The following SAMD3 variants were observed in gnomAD, a reference collection of about 807,000 sequenced individuals.
SAMD3 encodes the protein sterile alpha motif domain-containing protein 3.
A neutral mutation model predicts 58.5 loss-of-function variants in SAMD3; 63 were observed. The ratio of observed to expected loss-of-function variants is 1.08; its 90% CI spans 0.88 to 1.33. The LOEUF is 1.33. Among genes scored for constraint, SAMD3 ranks in the 40% most tolerant of loss-of-function variants. SAMD3 has a pLI of 0.00. For missense variants in SAMD3, 604 were observed against 608.4 expected, an observed-to-expected ratio of 0.99 and a Z score of 0.08; for synonymous variants, 220 against 210.3, an observed-to-expected ratio of 1.05 and a Z score of -0.40.
chr6:130,167,162 G>A (rs576654605), intron 8 of SAMD3, among the ~76,000 whole-genome samples: 7 of 152,256 alleles, frequency 4.6e-5, no homozygotes, highest in African/African-American at 1.7e-4. Flanking sequence ...TTAAAAGAGT[G>A]TCAGTTTAAA....
chr6:130,365,436 T>A (rs1036365645), upstream of SAMD3: 1 of 985,274 alleles, frequency 1.0e-6, no homozygotes, highest in Non-Finnish European at 1.2e-6. Flanking sequence ...CCGGCCAGGT[T>A]TGGTTTAGCT....
chr6:130,292,380 G>C (rs1016210500), intron 2 of SAMD3, among the ~76,000 whole-genome samples: 1 of 148,284 alleles, frequency 6.7e-6, no homozygotes, highest in African/African-American at 2.5e-5. Context: ...TCCACCTCCC[G>C]GGCTCAAGCA....
At chr6:130,168,049 T>A (rs946960568) in intron 8 of SAMD3, among the ~76,000 whole-genome samples, 2 of 152,042 alleles carry the variant, frequency 1.3e-5, no homozygotes, top group African/African-American at 2.4e-5. Context: ...GGGTGGAGGG[T>A]TAGGGACAAA....
intron 2 of SAMD3, among the ~76,000 whole-genome samples, chr6:130,298,809 A>T (rs931973068): frequency 6.7e-6 from 1 of 149,644 alleles, no homozygotes; most frequent in Non-Finnish European, 1.5e-5. Flanking sequence ...AATGGAAAAC[A>T]AAAAACAGCA....
At chr6:130,297,692 A>C (rs1293074542) in intron 2 of SAMD3, among the ~76,000 whole-genome samples, 1 of 152,188 alleles carries the variant, frequency 6.6e-6, no homozygotes, top group African/African-American at 2.4e-5. Flanking sequence ...AAAAAACCAA[A>C]TAGAACTTCT....
intron 1 of SAMD3, among the ~76,000 whole-genome samples, chr6:130,350,920 C>T (rs1474490389): frequency 5.9e-5 from 9 of 152,074 alleles, no homozygotes; most frequent in Non-Finnish European, 1.0e-4. Context: ...GAGATAATGC[C>T]GCATATCTAC....
At chr6:130,351,234 A>G (rs1048021446) in intron 1 of SAMD3, among the ~76,000 whole-genome samples, 2 of 152,234 alleles carry the variant, frequency 1.3e-5, no homozygotes, top group African/African-American at 2.4e-5. Flanking sequence ...ATGGGATCTA[A>G]TTAAACTAAA....
Position 130,234,668 on chromosome 6 carries a change from G to C in SAMD3, c.-187-11855C>G, listed in dbSNP as rs144047857. 7.2e-4 allele frequency among the ~76,000 whole-genome samples: 110 copies of C among 152,304 alleles called. No homozygotes were observed. In the East Asian group the frequency reaches 0.02, roughly 28 times the overall value. Reference sequence around the variant, plus strand: ...TGTGCTTGAACACATACAGAGCTCTGTTCAGAGTTCAGCCTACCACTGGTT... The same window carrying C: ...TGTGCTTGAACACATACAGAGCTCTCTTCAGAGTTCAGCCTACCACTGGTT... On this transcript the variant is annotated intron_variant, in intron 2 of 13. Transcript: ENST00000368134.
At chr6:130,336,344 T>A (rs1418295232) in intron 1 of SAMD3, among the ~76,000 whole-genome samples, 2 of 152,186 alleles carry the variant, frequency 1.3e-5, no homozygotes, top group Non-Finnish European at 2.9e-5. Context: ...AGGATTTGAA[T>A]TCTGATACGT....
intron 5 of SAMD3, among the ~76,000 whole-genome samples, chr6:130,195,804 T>A (rs1271251794): frequency 2.0e-5 from 3 of 152,198 alleles, no homozygotes; most frequent in Non-Finnish European, 4.4e-5. Flanking sequence ...GTGCTCTCCC[T>A]GCCGATCATG....
intron 1 of SAMD3, among the ~76,000 whole-genome samples, chr6:130,328,040 C>A (rs576667840): frequency 1.3e-5 from 2 of 152,180 alleles, no homozygotes; most frequent in African/African-American, 4.8e-5. Flanking sequence ...TCTACCCCTA[C>A]CTGTAGCTGC....
At chr6:130,269,131 T>C (rs1243511622) in intron 2 of SAMD3, among the ~76,000 whole-genome samples, 1 of 152,186 alleles carries the variant, frequency 6.6e-6, no homozygotes, top group Non-Finnish European at 1.5e-5. Context: ...AATTTTGGTA[T>C]AAGTTGTGAA....
intron 1 of SAMD3, among the ~76,000 whole-genome samples, chr6:130,349,190 C>T (rs545187387): frequency 4.7e-4 from 71 of 152,250 alleles, no homozygotes; most frequent in African/African-American, 1.7e-3. Context: ...AGAGCAAACA[C>T]ATTCAAAAGC....
intron 7 of SAMD3, among the ~76,000 whole-genome samples, chr6:130,179,030 C>T (rs890799597): frequency 6.7e-6 from 1 of 149,294 alleles, no homozygotes; most frequent in Admixed American, 6.6e-5. Context: ...AAGTATAGTA[C>T]ATTTTTTTTC....
chr6:130,246,709 G>T (rs1367185199), intron 2 of SAMD3, among the ~76,000 whole-genome samples: 1 of 151,990 alleles, frequency 6.6e-6, no homozygotes, highest in African/African-American at 2.4e-5. Flanking sequence ...TGGCCAACAT[G>T]GGAAACCCCA....
chr6:130,215,293 AC>A lies in SAMD3; in HGVS notation c.-21del. 6.4e-7 allele frequency: 1 copy of A among 1,568,332 alleles called. No homozygotes were observed. Among genetic ancestry groups the A allele is most frequent in the South Asian group, 1.2e-5 (1 of 85,728 alleles). On this transcript the variant is annotated splice_region_variant and 5_prime_UTR_variant, in exon 3 of 12. Transcript: ENST00000439090. ...TTCCATTGCTGTCTCCTGTAAATACACCTGTAGAGCAAAAGGTCAGAGAATT... is the reference window on the plus strand; with the variant it reads ...TTCCATTGCTGTCTCCTGTAAATACACTGTAGAGCAAAAGGTCAGAGAATT...
intron 2 of SAMD3, among the ~76,000 whole-genome samples, chr6:130,244,350 T>C (rs1331461333): frequency 6.6e-6 from 1 of 152,192 alleles, no homozygotes; most frequent in African/African-American, 2.4e-5. Context: ...CAAGGTCATA[T>C]GTCTGGGTTT....
chr6:130,209,807 G>T (rs189246849), intron 4 of SAMD3, among the ~76,000 whole-genome samples, 199 bp from the exon 5 acceptor site: 3 of 152,334 alleles, frequency 2.0e-5, no homozygotes, highest in Admixed American at 1.3e-4. Context: ...CTATGTGCCA[G>T]GAGGCAGACT....
chr6:130,257,080 G>A (rs1029630874), intron 2 of SAMD3, among the ~76,000 whole-genome samples: 8 of 152,142 alleles, frequency 5.3e-5, no homozygotes, highest in Non-Finnish European at 8.8e-5. Flanking sequence ...AGACAATTAA[G>A]CCTTAGTAAA....
Sources: gnomAD v4.1 joint callset for allele counts (sites outside exome capture counted in the v4.1 genomes callset) on GRCh38, gnomAD v4.1.1 for gene constraint, MANE v1.5 for transcripts, NCBI Gene and HGNC (gene_info 2026-07-23, HGNC 2026-07-21) for gene names.